MYRF: variants seen among roughly 807,000 people sequenced by gnomAD.
MYRF encodes myelin gene regulatory factor.
Under a neutral mutation model 126.3 loss-of-function variants are expected in MYRF, and 16 were observed. The observed-to-expected ratio is 0.13, with a 90% CI of 0.09 to 0.19. The LOEUF (loss-of-function observed/expected upper bound fraction) is 0.19, where lower values mean the gene tolerates loss of function less well. Ranked by LOEUF, MYRF falls within the 10% of genes least tolerant of loss-of-function variation. The pLI is 1.00. For missense variants in MYRF, 1,104 were observed against 1,547.0 expected, an observed-to-expected ratio of 0.71 and a Z score of 4.80; for synonymous variants, 608 against 635.3, an observed-to-expected ratio of 0.96 and a Z score of 0.65.
chr11:61,754,955 T>C (rs2065705466), intron 1 of MYRF, among the ~76,000 whole-genome samples: 1 of 152,096 alleles, frequency 6.6e-6, no homozygotes, highest in Admixed American at 6.5e-5. Context: ...CTTGTGAGTG[T>C]GTGAAGTGCG....
rs566654651 is a variant in MYRF at position 61,782,001 on chromosome 11, T to C, written c.3016+177T>C. On this transcript the variant is annotated intron_variant, in intron 22 of 26. Coordinates refer to ENST00000278836, the MANE Select transcript of MYRF (RefSeq NM_001127392.3). ...GCAGCCTTACATAGATCATCCCATT[T>C]AGTCCTCACAGCACTCCTGCAAGAA... 53 of 654,022 alleles carry C rather than the reference T, an allele frequency of 8.1e-5. No individual in the cohort carries two copies. The African/African-American group carries it at 9.0e-4, about 11-fold the overall frequency. 40.5% of individuals were successfully genotyped at this position (654,022 alleles called of 1,614,324 possible). A position where few individuals can be genotyped will look rare whatever the true frequency, so the allele number is the denominator to read the frequency against.
At position 61,785,783 on chromosome 11, in the gene MYRF, C is replaced by T. The variant is rs202221463; in HGVS notation, c.3301-17C>T. The T allele has an allele frequency of 4.3e-6, 7 of 1,611,750 alleles. No homozygotes were observed. Among genetic ancestry groups the T allele is most frequent in the Non-Finnish European group, 5.9e-6 (7 of 1,177,896 alleles). On this transcript the variant is annotated splice_polypyrimidine_tract_variant and intron_variant, in intron 25 of 26. Transcript: ENST00000278836. ...AGGGCAGCAGTCTGTCCTGACCCCT[C>T]TCTCCCTTCTCTCCAGGGCACCTCT...
In MYRF at chr11:61,781,702, TC is replaced by T; in HGVS notation, c.2897del (p.Pro966LeufsTer51). 1 of 1,613,536 alleles carries T rather than the reference TC, an allele frequency of 6.2e-7. No individual in the cohort carries two copies. The highest frequency in any genetic ancestry group is 8.5e-7 in the Non-Finnish European group (1 of 1,180,018). ...LEPLASPAVP[F>X]PGGQGKAKNS... The stretch of plus-strand genomic sequence containing the variant: ...CCTCTGGCCAGCCCTGCAGTCCCCT[TC>T]CCTGGGGGGCAGGGCAAAGCCAAGA... On this transcript the variant is annotated frameshift_variant, in exon 22 of 27. Transcript: ENST00000278836. LOFTEE classifies it high-confidence loss of function.
In MYRF at chr11:61,767,630, A is replaced by G. The variant is rs1443059504; in HGVS notation, c.398+1409A>G. The G allele has an allele frequency of 8.7e-6, 3 of 346,674 alleles. No individual in the cohort carries two copies. In the East Asian group the frequency reaches 2.3e-4, roughly 26 times the overall value. The allele number at this position is 346,674 out of a possible 1,614,324, so 21.5% of individuals were successfully genotyped here. On this transcript the variant is annotated intron_variant, in intron 3 of 26. Transcript: ENST00000278836. ...TGCTTGAGCCCAGGAGTTCAAGACC[A>G]GTCTGCAACATGATGAAACCCCATC...
At chr11:61,755,398 T>C in intron 1 of MYRF, 1 of 1,605,182 alleles carries the variant, frequency 6.2e-7, no homozygotes, top group Non-Finnish European at 8.5e-7. Flanking sequence ...GCACAGGGCC[T>C]GCAGAGAGGG....
chr11:61,754,475 G>C (rs1222398008), intron 1 of MYRF: 1 of 152,404 alleles, frequency 6.6e-6, no homozygotes, highest in Non-Finnish European at 1.5e-5. Flanking sequence ...AGACATTCGT[G>C]CTTGCTTGGG....
At chr11:61,754,686 G>A (rs2065696128) in intron 1 of MYRF, among the ~76,000 whole-genome samples, 1 of 152,180 alleles carries the variant, frequency 6.6e-6, no homozygotes, top group Non-Finnish European at 1.5e-5. Context: ...GCCATGCAGC[G>A]GCCTGGCGGG....
chr11:61,769,057 C>T (rs1009688613), intron 3 of MYRF, among the ~76,000 whole-genome samples: 4 of 152,178 alleles, frequency 2.6e-5, no homozygotes, highest in African/African-American at 9.7e-5. Context: ...CTGGGCGGTC[C>T]CCTACCCACA....
At position 61,771,205 on chromosome 11, in the gene MYRF, C is replaced by T. The variant is rs542769953; in HGVS notation, c.741-295C>T. Among the ~76,000 whole-genome samples the T allele has an allele frequency of 3.3e-5, 5 of 152,282 alleles. No individual in the cohort carries two copies. In the South Asian group the frequency reaches 8.3e-4, roughly 25 times the overall value. ...GGGACAAACTCATTCATTCCTCAAGCGATTGCTGTGATTCTGTAAGCCAGC... is the reference window on the plus strand; with the variant it reads ...GGGACAAACTCATTCATTCCTCAAGTGATTGCTGTGATTCTGTAAGCCAGC... On this transcript the variant is annotated intron_variant, in intron 5 of 26. Coordinates refer to ENST00000278836, the MANE Select transcript of MYRF (RefSeq NM_001127392.3).
chr11:61,766,876 C>A, intron 3 of MYRF: 3 of 382,154 alleles, frequency 7.9e-6, no homozygotes, highest in Non-Finnish European at 1.6e-5. Flanking sequence ...GAGCTCAGGG[C>A]AAATGTAGGG....
In MYRF at chr11:61,758,185, G is replaced by A. The variant is rs547429204; in HGVS notation, c.46+5395G>A. ...TATGGAGGGGGCTCCCGGACATTCTGTCCTCCCTGTGCCCCAGGTCGCATC... is the reference window on the plus strand; with the variant it reads ...TATGGAGGGGGCTCCCGGACATTCTATCCTCCCTGTGCCCCAGGTCGCATC... On this transcript the variant is annotated intron_variant, in intron 1 of 26. Transcript: ENST00000278836. 1.1e-4 allele frequency among the ~76,000 whole-genome samples: 16 copies of A among 152,158 alleles called. No homozygotes were observed. The South Asian group carries it at 2.3e-3, about 22-fold the overall frequency.
intron 3 of MYRF, chr11:61,766,934 TC>T: frequency 2.2e-6 from 1 of 447,838 alleles, no homozygotes; most frequent in African/African-American, 2.0e-5. Context: ...GTGCATGAAC[TC>T]TGTGTTCAGA....
At chr11:61,770,666 G>A (rs913276689) in intron 5 of MYRF, 141 bp downstream of exon 5, 11 of 760,538 alleles carry the variant, frequency 1.4e-5, no homozygotes, top group Non-Finnish European at 2.3e-5. Flanking sequence ...GGGCAGATGG[G>A]GGTAACATAT....
At chr11:61,758,258 G>A (rs198476) in intron 1 of MYRF, among the ~76,000 whole-genome samples, 70,616 of 152,030 alleles carry the variant, frequency 0.46, 16,697 homozygotes, top group Middle Eastern at 0.52. Flanking sequence ...TGCAGCCACC[G>A]GAGTGCACAA....
At chr11:61,761,681 G>C (rs1377281461) in intron 1 of MYRF, among the ~76,000 whole-genome samples, 1 of 152,248 alleles carries the variant, frequency 6.6e-6, no homozygotes, top group Non-Finnish European at 1.5e-5. Context: ...GGTGCCTGCT[G>C]TGTGCTGGGA....
rs1466503882 is a variant in MYRF at position 61,778,036 on chromosome 11, G to A, written c.1903+191G>A. On this transcript the variant is annotated intron_variant, in intron 13 of 26. Transcript: ENST00000278836. The surrounding 1 kb of genome is among the most constrained non-coding windows in gnomAD (Gnocchi z 4.6). The stretch of plus-strand genomic sequence containing the variant: ...CACCTCTCCAGGTCCCCGGAACCTC[G>A]CCCCATTGTCAGTGGAAATCTGAGA... Among the ~76,000 whole-genome samples, 2 of 152,076 alleles carry A rather than the reference G, an allele frequency of 1.3e-5. No homozygotes were observed. Among genetic ancestry groups the A allele is most frequent in the Non-Finnish European group, 2.9e-5 (2 of 68,008 alleles).
At position 61,757,752 on chromosome 11, in the gene MYRF, T is replaced by C; in HGVS notation, c.46+4962T>C. 2.9e-6 allele frequency: 1 copy of C among 349,226 alleles called. No individual in the cohort carries two copies. The highest frequency in any genetic ancestry group is 5.7e-6 in the Non-Finnish European group (1 of 175,294). 21.6% of individuals were successfully genotyped at this position (349,226 alleles called of 1,614,324 possible). A position where few individuals can be genotyped will look rare whatever the true frequency, so the allele number is the denominator to read the frequency against. On this transcript the variant is annotated intron_variant, in intron 1 of 26. Transcript: ENST00000278836. The surrounding 1 kb of genome is among the most constrained non-coding windows in gnomAD (Gnocchi z 4.7). ...CACCCAGGCTCTTTGCACGTTGTCT[T>C]CCTGGAGTCCTGGGGTGCAGTGGAA... is the stretch of plus-strand genomic sequence containing the variant.
rs1177959439 is a variant in MYRF, at chr11:61,752,872, CTG to C, written c.46+86_46+87del. On this transcript the variant is annotated intron_variant, in intron 1 of 26. Transcript: ENST00000278836. ...TCTCCCCGGGAACTGGGGCTCCTCG[CTG>C]TGTTTCCGCCTCCTCTGGCTGGGAC... 21 of 1,318,828 alleles carry C rather than the reference CTG, an allele frequency of 1.6e-5. No individual in the cohort carries two copies. The East Asian group carries it at 2.8e-4, about 17-fold the overall frequency. The allele number at this position is 1,318,828 out of a possible 1,614,324, so 81.7% of individuals were successfully genotyped here.
Position 61,771,489 on chromosome 11 carries a change from T to C in MYRF, c.741-11T>C. The C allele has an allele frequency of 6.2e-7, 1 of 1,607,538 alleles. No individual in the cohort carries two copies. On this transcript the variant is annotated splice_polypyrimidine_tract_variant and intron_variant, in intron 5 of 26. Transcript: ENST00000278836. ...AGCCAGCCCCCACGGCGCACACTTCTGTTTCCCCAGGCTCCCTACACACCC... is the reference window on the plus strand; with the variant it reads ...AGCCAGCCCCCACGGCGCACACTTCCGTTTCCCCAGGCTCCCTACACACCC...
Sources: allele counts gnomAD v4.1 joint callset (sites outside exome capture counted in the v4.1 genomes callset), GRCh38; gene constraint gnomAD v4.1.1; non-coding constraint Gnocchi (gnomAD v3.1); transcripts MANE v1.5; gene names NCBI Gene and HGNC (gene_info 2026-07-23, HGNC 2026-07-21).